THADA: variants seen among roughly 807,000 people sequenced by gnomAD.
THADA encodes the protein THADA armadillo repeat containing.
Under a neutral mutation model 219.8 loss-of-function variants are expected in THADA, and 213 were observed. The observed-to-expected ratio is 0.97, with a 90% CI of 0.87 to 1.09. THADA has a LOEUF of 1.09. Ranked by LOEUF, THADA falls within the 50% of genes least tolerant of loss-of-function variation. The pLI is 0.00. For missense variants in THADA, 2,956 were observed against 2,311.3 expected, an observed-to-expected ratio of 1.28 and a Z score of -5.72; for synonymous variants, 1,018 against 828.9, an observed-to-expected ratio of 1.23 and a Z score of -3.92.
chr2:43,313,678 A>G (rs189717942), intron 31 of THADA, among the ~76,000 whole-genome samples: 8 of 152,330 alleles, frequency 5.3e-5, no homozygotes, highest in African/African-American at 1.9e-4. Flanking sequence ...AAACACAAGC[A>G]AGAAAGGCCC....
chr2:43,234,476 GA>G (rs2104014257), intron 36 of THADA, among the ~76,000 whole-genome samples: 1 of 152,306 alleles, frequency 6.6e-6, no homozygotes, highest in East Asian at 1.9e-4. Context: ...CCAGGAAACA[GA>G]AAAGGGGAGG....
chr2:43,572,726 C>A, intron 12 of THADA, 88 bp downstream of exon 12: 1 of 1,235,238 alleles, frequency 8.1e-7, no homozygotes, highest in Non-Finnish European at 1.1e-6. Flanking sequence ...TAAAACAGTT[C>A]AGGATACAAT....
In THADA at chr2:43,347,005, G is replaced by A. The variant is rs1271821707; in HGVS notation, c.4228-2768C>T. On this transcript the variant is annotated intron_variant, in intron 29 of 37. Coordinates refer to ENST00000405975, the MANE Select transcript of THADA (RefSeq NM_022065.5). ...CCCTTGGGTTTTGTGAGCTATCGTAGTGCCGACTTCTGTGTCTGGAGTGGA... is the reference window on the plus strand; with the variant it reads ...CCCTTGGGTTTTGTGAGCTATCGTAATGCCGACTTCTGTGTCTGGAGTGGA... 2.6e-5 allele frequency among the ~76,000 whole-genome samples: 4 copies of A among 152,036 alleles called. No homozygotes were observed. In the East Asian group the frequency reaches 5.8e-4, roughly 22 times the overall value.
intron 26 of THADA, among the ~76,000 whole-genome samples, chr2:43,460,123 A>T (rs1260410192): frequency 6.6e-6 from 1 of 152,024 alleles, no homozygotes; most frequent in Non-Finnish European, 1.5e-5. Flanking sequence ...GTCAAGGCAT[A>T]ATCCCACCTG....
chr2:43,287,592 C>T lies in THADA; in HGVS notation c.5011-531G>A, dbSNP rs72877339. Among the ~76,000 whole-genome samples the T allele has an allele frequency of 7.1e-3, 1,086 of 152,274 alleles. 10 individuals carry two copies. The highest frequency in any genetic ancestry group is 0.022 in the African/African-American group (896 of 41,554). On this transcript the variant is annotated intron_variant, in intron 34 of 37. Coordinates refer to ENST00000405975, the MANE Select transcript of THADA (RefSeq NM_022065.5). ...CATTACAGACATGAGCCACTGCTCCCGGCCTTCCTTTAGTCTTTTTGGATG... is the reference window on the plus strand; with the variant it reads ...CATTACAGACATGAGCCACTGCTCCTGGCCTTCCTTTAGTCTTTTTGGATG...
intron 26 of THADA, 43 bp downstream of exon 26, chr2:43,485,191 G>C: frequency 6.8e-7 from 1 of 1,476,032 alleles, no homozygotes; most frequent in Non-Finnish European, 9.4e-7. Context: ...GGACAATATT[G>C]TATTTTTTAA....
At position 43,557,371 on chromosome 2, in the gene THADA, C is replaced by G. The variant is rs533116306; in HGVS notation, c.2464-816G>C. Among the ~76,000 whole-genome samples the G allele has an allele frequency of 1.1e-3, 171 of 152,308 alleles. 1 individual carries two copies. Among genetic ancestry groups the G allele is most frequent in the Admixed American group, 1.8e-3 (27 of 15,286 alleles). ...ATTTCTAGACAGGGCAGTTCATAGT[C>G]TCTCAGGGCTTATGTTTCACCTGGG... On this transcript the variant is annotated intron_variant, in intron 16 of 37. Coordinates refer to ENST00000405975, the MANE Select transcript of THADA (RefSeq NM_022065.5).
At chr2:43,567,605 C>T (rs992997273) in intron 14 of THADA, among the ~76,000 whole-genome samples, 10 of 152,040 alleles carry the variant, frequency 6.6e-5, no homozygotes, top group Admixed American at 2.0e-4. Flanking sequence ...CTGGCCTGGG[C>T]GAAAGAGCGA....
chr2:43,394,919 A>C (rs1269921041), intron 29 of THADA, among the ~76,000 whole-genome samples: 1 of 152,238 alleles, frequency 6.6e-6, no homozygotes, highest in Non-Finnish European at 1.5e-5. Context: ...AGCAACAGCC[A>C]CAACAACCCC....
At chr2:43,469,415 A>C (rs1684647830) in intron 26 of THADA, among the ~76,000 whole-genome samples, 1 of 152,218 alleles carries the variant, frequency 6.6e-6, no homozygotes, top group African/African-American at 2.4e-5. Flanking sequence ...ATTAACCAAC[A>C]AATAATGTGG....
At chr2:43,527,817 C>A (rs1276989099) in intron 22 of THADA, 62 bp downstream of exon 22, 1 of 1,167,430 alleles carries the variant, frequency 8.6e-7, no homozygotes, top group African/African-American at 1.5e-5. Flanking sequence ...AAATTCTACT[C>A]CAAGCATATG....
intron 30 of THADA, among the ~76,000 whole-genome samples, chr2:43,323,224 C>T (rs1047648035): frequency 3.3e-5 from 5 of 152,104 alleles, no homozygotes; most frequent in Admixed American, 2.6e-4. Context: ...TCACTGTAGC[C>T]TCAACCTCCT....
At chr2:43,256,911 C>A (rs1419970287) in intron 36 of THADA, among the ~76,000 whole-genome samples, 1 of 152,122 alleles carries the variant, frequency 6.6e-6, no homozygotes, top group Non-Finnish European at 1.5e-5. Context: ...TTAATACAAA[C>A]AAAATCACCT....
rs1412855172 is a variant in THADA at position 43,279,821 on chromosome 2, G to A, written c.5240C>T (p.Ala1747Val). The A allele has an allele frequency of 9.0e-6, 14 of 1,559,676 alleles. No homozygotes were observed. The highest frequency in any genetic ancestry group is 1.1e-5 in the Non-Finnish European group (13 of 1,151,520). The change falls in exon 36 of 38, where the codon GCA becomes GTA. Residue 1747 changes from alanine (A) to valine (V), a missense_variant. Ala to Val is a moderately conservative substitution (Grantham distance 64). Coordinates refer to ENST00000405975, the MANE Select transcript of THADA (RefSeq NM_022065.5). ...GGCAGTTGTCACGGTTTCCGTGGCT[G>A]CATCTCTAACAGCTTGCTCCTCACT... ...LQSEEQAVRD[A>V]ATETVTTAMS...
chr2:43,518,072 A>G (rs904708053), intron 22 of THADA, among the ~76,000 whole-genome samples: 2 of 152,048 alleles, frequency 1.3e-5, no homozygotes, highest in African/African-American at 4.8e-5. Flanking sequence ...AAAAACACAC[A>G]CTGCTAGCAG....
intron 26 of THADA, among the ~76,000 whole-genome samples, chr2:43,433,250 C>T (rs1342600574): frequency 6.6e-6 from 1 of 151,440 alleles, no homozygotes; most frequent in Non-Finnish European, 1.5e-5. Flanking sequence ...AGATGTGCTG[C>T]TGGGTGTGGT....
At chr2:43,380,756 C>A (rs1020076280) in intron 29 of THADA, among the ~76,000 whole-genome samples, 2 of 152,076 alleles carry the variant, frequency 1.3e-5, no homozygotes, top group African/African-American at 2.4e-5. Context: ...TAATTCTATA[C>A]CTAGAAAAGG....
chr2:43,265,930 AACACACACACACACAC>A (rs56173099), intron 36 of THADA, among the ~76,000 whole-genome samples: 11,619 of 124,728 alleles, frequency 0.093, 605 homozygotes, highest in Non-Finnish European at 0.13. Context: ...TTACTTTTGA[AACACACACACACACAC>A]ACACACACAC....
intron 31 of THADA, among the ~76,000 whole-genome samples, chr2:43,295,615 T>C (rs187842917): frequency 2.6e-5 from 4 of 152,360 alleles, no homozygotes; most frequent in Non-Finnish European, 4.4e-5. Context: ...TACGCATTTA[T>C]AGCTAATAAA....
Sources: allele counts gnomAD v4.1 joint callset (sites outside exome capture counted in the v4.1 genomes callset), GRCh38; gene constraint gnomAD v4.1.1; transcripts MANE v1.5; gene names NCBI Gene and HGNC (gene_info 2026-07-23, HGNC 2026-07-21).